PCDHA8: variants seen among roughly 807,000 people sequenced by gnomAD.
The protein encoded by PCDHA8 is protocadherin alpha 8, also known as protocadherin alpha-8.
Under a neutral mutation model 61.8 loss-of-function variants are expected in PCDHA8, and 53 were observed. The ratio of observed to expected loss-of-function variants is 0.86; its 90% CI spans 0.69 to 1.08. The LOEUF (loss-of-function observed/expected upper bound fraction) is 1.08. PCDHA8 is among the 50% of genes least tolerant of loss of function. The pLI is 0.00. For missense variants in PCDHA8, 1,293 were observed against 1,245.0 expected (o/e 1.04, Z -0.58); for synonymous variants, 618 against 556.6 (o/e 1.11, Z -1.55).
chr5:140,907,885 A>C (rs1554193167), intron 1 of PCDHA8, among the ~76,000 whole-genome samples: 1 of 152,210 alleles, frequency 6.6e-6, no homozygotes, highest in Admixed American at 6.5e-5. Flanking sequence ...CTCACATGGG[A>C]TACAAATATC....
chr5:140,927,256 C>T, intron 1 of PCDHA8: 1 of 1,614,144 alleles, frequency 6.2e-7, no homozygotes, highest in Non-Finnish European at 8.5e-7. Context: ...TGACAACTCA[C>T]CTCTCTTTCC....
intron 1 of PCDHA8, among the ~76,000 whole-genome samples, chr5:140,922,316 A>T (rs983729529): frequency 6.6e-6 from 1 of 152,248 alleles, no homozygotes; most frequent in Non-Finnish European, 1.5e-5. Flanking sequence ...TTCACTGAAG[A>T]TCTTGGAAAG....
intron 1 of PCDHA8, chr5:140,968,856 G>A (rs782749305): frequency 1.2e-6 from 2 of 1,614,184 alleles, no homozygotes; most frequent in South Asian, 1.1e-5. Flanking sequence ...CATGTTAAGA[G>A]CCCTCGGACA....
At position 140,842,873 on chromosome 5, in the gene PCDHA8, T is replaced by A. The variant is rs2150346910; in HGVS notation, c.1552T>A (p.Tyr518Asn). The change falls in exon 1 of 4, where the codon TAC (tyrosine) becomes AAC (asparagine). Residue 518 changes from tyrosine (Y) to asparagine (N), a missense_variant. By Grantham distance (143) the Tyr-to-Asn change is moderately radical. Coordinates refer to ENST00000531613, the MANE Select transcript of PCDHA8 (RefSeq NM_018911.3). Reference sequence around the variant, plus strand: ...GGTGCACACGGAGAGCGGCAAGGTGTACGCGCTGCAGCCGCTGGACCACGA... The same window carrying A: ...GGTGCACACGGAGAGCGGCAAGGTGAACGCGCTGCAGCCGCTGGACCACGA... ...ISVHTESGKVYALQPLDHEEL... is the reference protein window; with the variant it reads ...ISVHTESGKVNALQPLDHEEL... 38 of 1,593,718 alleles carry A rather than the reference T, an allele frequency of 2.4e-5. 5 individuals carry two copies. The highest frequency in any genetic ancestry group is 2.3e-4 in the African/African-American group (17 of 74,220).
chr5:140,966,765 C>G (rs2096051420), intron 1 of PCDHA8: 7 of 1,482,914 alleles, frequency 4.7e-6, no homozygotes, highest in Non-Finnish European at 6.3e-6. Context: ...CGGCCAGTGG[C>G]TATGGAGCAG....
At chr5:140,927,153 C>T in intron 1 of PCDHA8, 1 of 1,614,190 alleles carries the variant, frequency 6.2e-7, no homozygotes, top group Non-Finnish European at 8.5e-7. Context: ...AACAGCTGTG[C>T]AGGGCCAAAG....
Position 141,010,344 on chromosome 5 carries a change from G to A in PCDHA8, c.*407G>A, listed in dbSNP as rs1011321402. On this transcript the variant is annotated 3_prime_UTR_variant, in exon 4 of 4. Coordinates refer to ENST00000531613, the MANE Select transcript of PCDHA8 (RefSeq NM_018911.3). Reference sequence around the variant, plus strand: ...CAGCTTGGGAGTTTGTGGCCACTGGGTATGTGTGGCTACCGCGGGTATGCG... The same window carrying A: ...CAGCTTGGGAGTTTGTGGCCACTGGATATGTGTGGCTACCGCGGGTATGCG... 3 of 1,518,888 alleles carry A rather than the reference G, an allele frequency of 2.0e-6. No homozygotes were observed. The Admixed American group carries it at 6.4e-5, about 33-fold the overall frequency. 94.1% of individuals were successfully genotyped at this position (1,518,888 alleles called of 1,614,324 possible).
chr5:140,849,689 G>A, intron 1 of PCDHA8: 1 of 1,598,668 alleles, frequency 6.3e-7, no homozygotes, highest in South Asian at 1.1e-5. Context: ...TCAAGCTGGT[G>A]TCCACCTACA....
At chr5:140,904,519 A>C (rs576512079) in intron 1 of PCDHA8, among the ~76,000 whole-genome samples, 2 of 152,174 alleles carry the variant, frequency 1.3e-5, no homozygotes, top group Non-Finnish European at 2.9e-5. Context: ...GTGCTGCTAT[A>C]AACTTGTGTG....
At chr5:140,877,487 A>G in intron 1 of PCDHA8, 1 of 1,613,822 alleles carries the variant, frequency 6.2e-7, no homozygotes, top group Non-Finnish European at 8.5e-7. Context: ...CTGGTGGAGA[A>G]CGGCCAGGCC....
chr5:140,850,893 G>A, intron 1 of PCDHA8: 1 of 1,574,570 alleles, frequency 6.4e-7, no homozygotes, highest in Non-Finnish European at 8.7e-7. Flanking sequence ...TGGGAAGGTG[G>A]GTTTTTCTAG....
At chr5:140,850,363 G>T (rs1287210610) in intron 1 of PCDHA8, 3 of 1,597,818 alleles carry the variant, frequency 1.9e-6, no homozygotes, top group African/African-American at 1.3e-5. Flanking sequence ...ATCCCGTTCC[G>T]CGTGGGGCTG....
chr5:140,925,878 ACCT>A (rs1554202987), intron 1 of PCDHA8, among the ~76,000 whole-genome samples: 1 of 151,658 alleles, frequency 6.6e-6, no homozygotes. Flanking sequence ...CTGGTTTATA[ACCT>A]CCTCTTTCAC....
chr5:140,953,295 C>T (rs74485628), intron 1 of PCDHA8, among the ~76,000 whole-genome samples: 3,568 of 152,144 alleles, frequency 0.023, 49 homozygotes, highest in Middle Eastern at 0.034. Flanking sequence ...GATTCAGGGA[C>T]GGCAGAGATG....
intron 3 of PCDHA8, among the ~76,000 whole-genome samples, chr5:140,984,112 A>G (rs2097087288): frequency 6.6e-6 from 1 of 152,244 alleles, no homozygotes; most frequent in Admixed American, 6.5e-5. Flanking sequence ...GTGGTTTTAG[A>G]CTGCCAAGTG....
intron 1 of PCDHA8, chr5:140,860,876 T>C (rs1451611710): frequency 6.6e-6 from 1 of 152,390 alleles, no homozygotes; most frequent in Non-Finnish European, 1.5e-5. Flanking sequence ...TAGCTGGGAC[T>C]ACAGGTGCCC....
rs2150327556 is a variant in PCDHA8, at chr5:140,842,022, A to G, written c.701A>G (p.Asp234Gly). The change falls in exon 1 of 4, where the codon GAT becomes GGT. Residue 234 changes from aspartate to glycine, a missense_variant. Asp to Gly is a moderately conservative substitution (Grantham distance 94). Transcript: ENST00000531613. ...GTVQLLVTVL[D>G]VNDNAPTFEQ... is the part of the protein sequence containing the mutation. Reference sequence around the variant, plus strand: ...GTTCAGCTGCTGGTCACAGTGCTGGATGTGAATGATAATGCTCCCACTTTC... The same window carrying G: ...GTTCAGCTGCTGGTCACAGTGCTGGGTGTGAATGATAATGCTCCCACTTTC... 11 of 1,613,848 alleles carry G rather than the reference A, an allele frequency of 6.8e-6. No homozygotes were observed. The highest frequency in any genetic ancestry group is 3.3e-5 in the Admixed American group (2 of 60,004).
intron 1 of PCDHA8, among the ~76,000 whole-genome samples, chr5:140,956,551 C>G (rs995941205): frequency 1.3e-5 from 2 of 152,148 alleles, no homozygotes; most frequent in Non-Finnish European, 2.9e-5. Flanking sequence ...ATTTGGTTTG[C>G]CAGTATCTTA....
At chr5:140,883,225 C>T in intron 1 of PCDHA8, 1 of 1,613,914 alleles carries the variant, frequency 6.2e-7, no homozygotes, top group East Asian at 2.2e-5. Context: ...ATGAAATATC[C>T]GTGGAGGCAG....
Sources: allele counts gnomAD v4.1 joint callset (sites outside exome capture counted in the v4.1 genomes callset), GRCh38; gene constraint gnomAD v4.1.1; transcripts MANE v1.5; gene names NCBI Gene and HGNC (gene_info 2026-07-23, HGNC 2026-07-21).